Variants in RASGRP3 observed in about 807,000 individuals in gnomAD.
The protein encoded by RASGRP3 is ras guanyl-releasing protein 3.
Under a neutral mutation model 82.7 loss-of-function variants are expected in RASGRP3, and 54 were observed. That is an observed-to-expected ratio of 0.65 (90% CI 0.52 to 0.82). The LOEUF is 0.82. Among genes scored for constraint, RASGRP3 ranks in the 40% least tolerant of loss-of-function variants. The pLI is 0.00. For missense variants in RASGRP3, 861 were observed against 828.9 expected, an observed-to-expected ratio of 1.04 and a Z score of -0.48; for synonymous variants, 309 against 300.5, an observed-to-expected ratio of 1.03 and a Z score of -0.29.
chr2:33,470,573 G>T (rs113172723), intron 2 of RASGRP3, among the ~76,000 whole-genome samples: 1 of 151,838 alleles, frequency 6.6e-6, no homozygotes, highest in Non-Finnish European at 1.5e-5. Context: ...TAGAGACAGG[G>T]TTTCACCGTG....
chr2:33,509,462 C>T (rs1274300469), intron 1 of RASGRP3, among the ~76,000 whole-genome samples: 15 of 152,124 alleles, frequency 9.9e-5, no homozygotes, highest in Admixed American at 9.8e-4. Context: ...TCCCGTTGCC[C>T]TTTGGATAAA....
chr2:33,441,547 G>T (rs1041947932), intron 1 of RASGRP3, among the ~76,000 whole-genome samples: 1 of 152,210 alleles, frequency 6.6e-6, no homozygotes, highest in Non-Finnish European at 1.5e-5. Flanking sequence ...GGAAATTCTG[G>T]AAGAAGACTC....
upstream of RASGRP3, chr2:33,476,338 C>G (rs930101304): frequency 6.6e-6 from 1 of 152,262 alleles, no homozygotes; most frequent in East Asian, 1.9e-4. Flanking sequence ...CAGTCTCCCC[C>G]TCTGCGCACA....
intron 2 of RASGRP3, among the ~76,000 whole-genome samples, chr2:33,512,655 G>T (rs1671040103): frequency 6.6e-6 from 1 of 152,172 alleles, no homozygotes; most frequent in Non-Finnish European, 1.5e-5. Context: ...TCTTAAAAAT[G>T]TATGGTATCT....
chr2:33,474,640 G>A (rs1224907022), upstream of RASGRP3, among the ~76,000 whole-genome samples: 1 of 152,060 alleles, frequency 6.6e-6, no homozygotes, highest in Non-Finnish European at 1.5e-5. Context: ...ATTTAGAAGT[G>A]CCCCCTGTCT....
chr2:33,469,522 C>T lies in RASGRP3; in HGVS notation c.-261+21579C>T, dbSNP rs148884332. 4.9e-3 allele frequency among the ~76,000 whole-genome samples: 740 copies of T among 150,612 alleles called. 7 individuals carry two copies. The highest frequency in any genetic ancestry group is 0.015 in the African/African-American group (615 of 40,882). On this transcript the variant is annotated intron_variant, in intron 2 of 18. Transcript: ENST00000402538. ...GTTACCCAGGCTGAGTGCAGTGGCG[C>T]GATCTTGACTCACTGCAACCTCCAC...
intron 8 of RASGRP3, 65 bp downstream of exon 8, chr2:33,524,117 C>G (rs1672292665): frequency 6.5e-7 from 1 of 1,543,514 alleles, no homozygotes; most frequent in Non-Finnish European, 8.9e-7. Flanking sequence ...TGAGAAAAGT[C>G]ATTGAGGAAA....
upstream of RASGRP3, chr2:33,476,496 G>GTT (rs1003917046): frequency 6.6e-6 from 1 of 152,238 alleles, no homozygotes; most frequent in Admixed American, 6.5e-5. Context: ...CAACTCAGGG[G>GTT]TTATGAGGTG....
rs1671313274 is a variant in RASGRP3, at chr2:33,515,031, A to C, written c.-106A>C. 3.9e-6 allele frequency: 4 copies of C among 1,026,164 alleles called. No homozygotes were observed. Among genetic ancestry groups the C allele is most frequent in the Non-Finnish European group, 6.2e-6 (4 of 649,044 alleles). The allele number at this position is 1,026,164 out of a possible 1,614,324, so 63.6% of individuals were successfully genotyped here. On this transcript the variant is annotated 5_prime_UTR_variant, in exon 3 of 18. An upstream open reading frame in the 5' UTR loses its in-frame stop. Transcript: ENST00000403687. ...TTAGAGTTTTCTTGAAGTACAACTA[A>C]GGACAGGTCACCACTAGGCACTAAC...
At position 33,489,947 on chromosome 2, in the gene RASGRP3, C is replaced by T. The variant is rs1668709608; in HGVS notation, c.-261+13240C>T. On this transcript the variant is annotated intron_variant, in intron 1 of 17. Coordinates refer to ENST00000403687, the MANE Select transcript of RASGRP3 (RefSeq NM_001139488.2). ...CTCTGTTTCTGGCTTTTTTCATCTT[C>T]AAAAACTCAGGAAAAGAGAACTGAG... Among the ~76,000 whole-genome samples the T allele has an allele frequency of 2.0e-5, 3 of 152,296 alleles. No homozygotes were observed. In the South Asian group the frequency reaches 6.2e-4, roughly 32 times the overall value.
chr2:33,529,411 C>T (rs971055812), intron 10 of RASGRP3, among the ~76,000 whole-genome samples: 2 of 134,006 alleles, frequency 1.5e-5, no homozygotes, highest in African/African-American at 5.6e-5. Context: ...AGAAGAATGG[C>T]GTGAATCCGG....
At chr2:33,489,038 G>A (rs35799810) in intron 1 of RASGRP3, among the ~76,000 whole-genome samples, 19,808 of 151,886 alleles carry the variant, frequency 0.13, 1,393 homozygotes, top group African/African-American at 0.19. Flanking sequence ...TTTGCCTTCC[G>A]AAGGACATTT....
chr2:33,437,883 G>GAAAC (rs1472510136), intron 1 of RASGRP3, among the ~76,000 whole-genome samples: 1 of 152,018 alleles, frequency 6.6e-6, no homozygotes, highest in African/African-American at 2.4e-5. Flanking sequence ...TAGATCTGAA[G>GAAAC]AAACAAACAA....
At position 33,562,766 on chromosome 2, in the gene RASGRP3, ATGT is replaced by A. The variant is rs1676826992; in HGVS notation, c.*32_*34del. 1 of 1,612,010 alleles carries A rather than the reference ATGT, an allele frequency of 6.2e-7. No homozygotes were observed. The highest frequency in any genetic ancestry group is 1.3e-5 in the African/African-American group (1 of 75,012). ...CAGGCTGCGGAAACTGAAGGCAATA[ATGT>A]TGGCTTTTGGAAGGGGCAAGACGAG... is the stretch of plus-strand genomic sequence containing the variant. On this transcript the variant is annotated 3_prime_UTR_variant, in exon 18 of 18. Transcript: ENST00000403687.
intron 1 of RASGRP3, among the ~76,000 whole-genome samples, chr2:33,480,513 G>A (rs116300587): frequency 2.0e-5 from 3 of 152,220 alleles, no homozygotes; most frequent in African/African-American, 7.2e-5. Context: ...TTGTACAGGG[G>A]GTGTTATATG....
At chr2:33,547,179 C>A (rs1674861548) in intron 13 of RASGRP3, among the ~76,000 whole-genome samples, 1 of 151,600 alleles carries the variant, frequency 6.6e-6, no homozygotes, top group South Asian at 2.1e-4. Context: ...ACCACAGGTT[C>A]TCACTTCTAA....
At chr2:33,460,785 G>T (rs1666319229) in intron 2 of RASGRP3, among the ~76,000 whole-genome samples, 1 of 152,010 alleles carries the variant, frequency 6.6e-6, no homozygotes, top group Non-Finnish European at 1.5e-5. Context: ...CAAGTGCTAG[G>T]ATTATGGACG....
chr2:33,455,944 G>A (rs1265965737), intron 2 of RASGRP3, among the ~76,000 whole-genome samples: 3 of 152,256 alleles, frequency 2.0e-5, no homozygotes, highest in East Asian at 3.9e-4. Context: ...CAATAAACCA[G>A]CTGGATATCA....
At chr2:33,507,982 G>T (rs866906041) in intron 1 of RASGRP3, among the ~76,000 whole-genome samples, 1 of 152,216 alleles carries the variant, frequency 6.6e-6, no homozygotes, top group Non-Finnish European at 1.5e-5. Flanking sequence ...CATGGAGAAG[G>T]GAAAGAAGTG....
Sources: allele counts gnomAD v4.1 joint callset (sites outside exome capture counted in the v4.1 genomes callset), GRCh38; gene constraint gnomAD v4.1.1; transcripts MANE v1.5; gene names NCBI Gene and HGNC (gene_info 2026-07-23, HGNC 2026-07-21).